The following GALNT17 variants were observed in gnomAD, a reference collection of about 807,000 sequenced individuals.
The protein encoded by GALNT17 is UDP-GalNAc:polypeptide N-acetylgalactosaminyltransferase-like 3.
A neutral mutation model predicts 63.7 loss-of-function variants in GALNT17; 29 were observed. The observed-to-expected ratio is 0.46, with a 90% confidence interval of 0.34 to 0.62. The LOEUF (loss-of-function observed/expected upper bound fraction) is 0.62, where lower values mean the gene tolerates loss of function less well. Ranked by LOEUF, GALNT17 falls within the 20% of genes least tolerant of loss-of-function variation. The probability of loss-of-function intolerance (pLI) is 0.01; values close to 1 mark genes in which losing one functional copy is unlikely to be tolerated. For synonymous variants in GALNT17, 305 were observed against 318.3 expected (o/e 0.96, Z 0.45); for missense variants, 603 against 799.6 (o/e 0.75, Z 2.97).
chr7:71,387,628 G>A (rs1039243877), intron 2 of GALNT17, among the ~76,000 whole-genome samples: 1 of 152,098 alleles, frequency 6.6e-6, no homozygotes, highest in Non-Finnish European at 1.5e-5. Flanking sequence ...ACCGTGTTCC[G>A]GGTGGTCCCT....
chr7:71,657,209 G>A (rs1475749714), intron 6 of GALNT17, among the ~76,000 whole-genome samples: 2 of 152,148 alleles, frequency 1.3e-5, no homozygotes, highest in Non-Finnish European at 2.9e-5. Flanking sequence ...ACAAGATGAT[G>A]TGGACCATTA....
chr7:71,277,174 C>A (rs921647996), intron 1 of GALNT17, among the ~76,000 whole-genome samples: 1 of 152,222 alleles, frequency 6.6e-6, no homozygotes, highest in South Asian at 2.1e-4. Context: ...GGAATGAAAT[C>A]GTGTCCTTTG....
intron 6 of GALNT17, among the ~76,000 whole-genome samples, chr7:71,664,683 C>G (rs149737585): frequency 6.6e-6 from 1 of 152,306 alleles, no homozygotes; most frequent in East Asian, 1.9e-4. Context: ...GAATAAAGAT[C>G]TGTTTCTTAG....
chr7:71,133,874 G>C (rs1490608229), intron 1 of GALNT17, among the ~76,000 whole-genome samples: 1 of 152,118 alleles, frequency 6.6e-6, no homozygotes, highest in Non-Finnish European at 1.5e-5. Context: ...TCCAGGATGC[G>C]TGGGGTTATC....
intron 6 of GALNT17, among the ~76,000 whole-genome samples, chr7:71,647,414 G>C (rs1584111077): frequency 6.6e-6 from 1 of 152,122 alleles, no homozygotes; most frequent in South Asian, 2.1e-4. Context: ...GAGACAAGTT[G>C]GAGGCCTGAG....
At chr7:71,145,437 A>G (rs1787999120) in intron 1 of GALNT17, among the ~76,000 whole-genome samples, 1 of 152,148 alleles carries the variant, frequency 6.6e-6, no homozygotes, top group African/African-American at 2.4e-5. Flanking sequence ...GTTTGAGACT[A>G]CAGTGAGCTA....
chr7:71,573,329 T>A (rs146778251), intron 6 of GALNT17, among the ~76,000 whole-genome samples: 12,516 of 149,744 alleles, frequency 0.084, 573 homozygotes, highest in African/African-American at 0.11. Context: ...TTAATTAATT[T>A]ATTTATTTAT....
intron 3 of GALNT17, among the ~76,000 whole-genome samples, chr7:71,393,111 T>C (rs1018287216): frequency 6.6e-6 from 1 of 152,220 alleles, no homozygotes; most frequent in African/African-American, 2.4e-5. Context: ...TGTTTTCTGG[T>C]ATCTTGTTGT....
chr7:71,349,072 G>T (rs566098019), intron 2 of GALNT17, among the ~76,000 whole-genome samples: 1 of 152,340 alleles, frequency 6.6e-6, no homozygotes, highest in South Asian at 2.1e-4. Flanking sequence ...AATACTTGCA[G>T]TACGGGAAAC....
intron 1 of GALNT17, among the ~76,000 whole-genome samples, chr7:71,285,029 A>G (rs1790848227): frequency 6.6e-6 from 1 of 152,218 alleles, no homozygotes; most frequent in African/African-American, 2.4e-5. Context: ...TGCAAAATTC[A>G]TAATACACAA....
intron 5 of GALNT17, among the ~76,000 whole-genome samples, chr7:71,519,560 T>G (rs971371055): frequency 7.9e-5 from 12 of 152,120 alleles, no homozygotes; most frequent in Non-Finnish European, 1.5e-4. Context: ...ACCTCCCAGG[T>G]TCAAGTGATT....
chr7:71,145,024 A>G (rs958352946), intron 1 of GALNT17, among the ~76,000 whole-genome samples: 60 of 152,010 alleles, frequency 3.9e-4, no homozygotes, highest in Admixed American at 3.7e-3. Flanking sequence ...CACTGTGCCC[A>G]TCTTGGGCTG....
intron 1 of GALNT17, among the ~76,000 whole-genome samples, chr7:71,162,123 C>CCTTCCTTCCTT (rs1788357249): frequency 0.043 from 2,313 of 53,640 alleles, 88 homozygotes; most frequent in African/African-American, 0.051. Context: ...CTCCCTCCCT[C>CCTTCCTTCCTT]CCTTCCTTCC....
chr7:71,523,416 G>A (rs970099903), intron 5 of GALNT17, among the ~76,000 whole-genome samples: 6 of 152,032 alleles, frequency 3.9e-5, no homozygotes, highest in South Asian at 2.1e-4. Context: ...GTGACAGAGC[G>A]AGACCCTGTC....
intron 1 of GALNT17, among the ~76,000 whole-genome samples, chr7:71,333,376 A>C (rs969810431): frequency 1.3e-5 from 2 of 152,118 alleles, no homozygotes; most frequent in African/African-American, 2.4e-5. Context: ...TGGAGATACT[A>C]TATTTTGTTT....
intron 9 of GALNT17, among the ~76,000 whole-genome samples, chr7:71,703,582 GACAA>G (rs2117119469): frequency 6.6e-6 from 1 of 152,290 alleles, no homozygotes; most frequent in South Asian, 2.1e-4. Flanking sequence ...ATTTGGAGGA[GACAA>G]ACACTCAAAC....
At chr7:71,333,521 A>G (rs1272467635) in intron 1 of GALNT17, among the ~76,000 whole-genome samples, 1 of 152,122 alleles carries the variant, frequency 6.6e-6, no homozygotes, top group Non-Finnish European at 1.5e-5. Flanking sequence ...TTGCTGGGTC[A>G]TATGGTAACT....
intron 6 of GALNT17, among the ~76,000 whole-genome samples, chr7:71,655,004 G>T (rs1790808097): frequency 6.6e-6 from 1 of 152,090 alleles, no homozygotes; most frequent in Non-Finnish European, 1.5e-5. Context: ...TGGCCAGGCT[G>T]GTCTCAAACT....
intron 1 of GALNT17, among the ~76,000 whole-genome samples, chr7:71,221,874 C>T (rs917276715): frequency 1.3e-5 from 2 of 148,608 alleles, no homozygotes; most frequent in Non-Finnish European, 3.0e-5. Flanking sequence ...AGCATTAGTA[C>T]AATACTGTCA....
Sources: allele counts gnomAD v4.1 joint callset (sites outside exome capture counted in the v4.1 genomes callset), GRCh38; gene constraint gnomAD v4.1.1; transcripts MANE v1.5; gene names NCBI Gene and HGNC (gene_info 2026-07-23, HGNC 2026-07-21).